Variants in CTNNA3 observed in about 807,000 individuals in gnomAD.
CTNNA3 encodes catenin alpha 3, also known as catenin alpha-3.
A neutral mutation model predicts 95.7 loss-of-function variants in CTNNA3; 76 were observed. The ratio of observed to expected loss-of-function variants is 0.79; its 90% CI spans 0.66 to 0.96. CTNNA3 has a LOEUF of 0.96. Ranked by LOEUF, CTNNA3 falls within the 40% of genes least tolerant of loss-of-function variation. CTNNA3 has a pLI of 0.00. For synonymous variants in CTNNA3, 431 were observed against 374.4 expected, an observed-to-expected ratio of 1.15 and a Z score of -1.74; for missense variants, 1,191 against 1,089.8, an observed-to-expected ratio of 1.09 and a Z score of -1.31.
At chr10:66,851,926 G>A (rs143390243) in intron 7 of CTNNA3, among the ~76,000 whole-genome samples, 1 of 152,186 alleles carries the variant, frequency 6.6e-6, no homozygotes, top group East Asian at 1.9e-4. Context: ...CTCCATGCTT[G>A]ACCATCACCC....
chr10:66,215,858 A>C (rs1341139203), intron 13 of CTNNA3, among the ~76,000 whole-genome samples: 1 of 152,240 alleles, frequency 6.6e-6, no homozygotes, highest in Non-Finnish European at 1.5e-5. Flanking sequence ...AATTGGCATT[A>C]ACAATTACAT....
At chr10:66,358,126 T>A (rs562729302) in intron 12 of CTNNA3, among the ~76,000 whole-genome samples, 1 of 152,292 alleles carries the variant, frequency 6.6e-6, no homozygotes, top group Admixed American at 6.5e-5. Flanking sequence ...TAATTTGTAT[T>A]TTCTATTTCT....
At chr10:67,316,106 A>G (rs1301957292) in intron 5 of CTNNA3, among the ~76,000 whole-genome samples, 4 of 152,176 alleles carry the variant, frequency 2.6e-5, no homozygotes. Context: ...AGTGGAATCA[A>G]CAGCTCCTCC....
At chr10:66,052,694 A>G (rs78058929) in intron 15 of CTNNA3, among the ~76,000 whole-genome samples, 60 of 152,278 alleles carry the variant, frequency 3.9e-4, no homozygotes, top group African/African-American at 1.4e-3. Context: ...AAGGACAAAA[A>G]AAGTCTGTGG....
At chr10:67,090,191 G>A (rs1011862845) in intron 7 of CTNNA3, among the ~76,000 whole-genome samples, 1 of 151,988 alleles carries the variant, frequency 6.6e-6, no homozygotes, top group African/African-American at 2.4e-5. Flanking sequence ...CATCTTGAGT[G>A]TTTTCGAGAT....
At chr10:67,357,059 T>C (rs1012080604) in intron 5 of CTNNA3, among the ~76,000 whole-genome samples, 1 of 152,090 alleles carries the variant, frequency 6.6e-6, no homozygotes, top group Non-Finnish European at 1.5e-5. Flanking sequence ...TCTACCATCC[T>C]CACTATAATA....
intron 15 of CTNNA3, among the ~76,000 whole-genome samples, chr10:66,049,137 G>GAC (rs1366732959): frequency 1.3e-5 from 2 of 152,128 alleles, no homozygotes; most frequent in Non-Finnish European, 2.9e-5. Context: ...GATATGAACA[G>GAC]ACACTTCTCA....
chr10:67,367,030 C>A (rs950631068), intron 5 of CTNNA3, among the ~76,000 whole-genome samples: 1 of 152,028 alleles, frequency 6.6e-6, no homozygotes, highest in African/African-American at 2.4e-5. Context: ...AGACATCAGC[C>A]TTGGAAAAGA....
At chr10:66,483,558 A>G (rs995894975) in intron 11 of CTNNA3, among the ~76,000 whole-genome samples, 1 of 152,118 alleles carries the variant, frequency 6.6e-6, no homozygotes, top group African/African-American at 2.4e-5. Context: ...AGTCTGGCTG[A>G]TAAAAGAGTA....
At chr10:65,979,855 T>C (rs116230517) in intron 16 of CTNNA3, among the ~76,000 whole-genome samples, 2,447 of 152,172 alleles carry the variant, frequency 0.016, 74 homozygotes, top group African/African-American at 0.056. Flanking sequence ...TTTAGTCCTA[T>C]TTAAATCTTG....
At chr10:67,306,468 A>G (rs1423629566) in intron 5 of CTNNA3, among the ~76,000 whole-genome samples, 1 of 152,206 alleles carries the variant, frequency 6.6e-6, no homozygotes, top group African/African-American at 2.4e-5. Flanking sequence ...TCAGGTACAC[A>G]CTGCCTGACA....
intron 9 of CTNNA3, among the ~76,000 whole-genome samples, chr10:66,750,347 G>T (rs752560178): frequency 1.3e-5 from 2 of 152,146 alleles, no homozygotes; most frequent in African/African-American, 4.8e-5. Flanking sequence ...TTATGGTTTT[G>T]CAGTTTACAT....
intron 7 of CTNNA3, among the ~76,000 whole-genome samples, chr10:66,792,208 G>A (rs1840999352): frequency 6.6e-6 from 1 of 152,036 alleles, no homozygotes; most frequent in Non-Finnish European, 1.5e-5. Context: ...ATTTGGTCCT[G>A]TCTTGAGGTT....
intron 5 of CTNNA3, among the ~76,000 whole-genome samples, chr10:67,263,018 G>C (rs1353733414): frequency 6.6e-6 from 1 of 152,164 alleles, no homozygotes; most frequent in Non-Finnish European, 1.5e-5. Context: ...AGTTAGTAGG[G>C]AGAAGGGGAT....
At chr10:66,567,082 G>A (rs1165378873) in intron 10 of CTNNA3, among the ~76,000 whole-genome samples, 25 of 700 alleles carry the variant, frequency 0.036, no homozygotes, top group African/African-American at 0.11. Context: ...GAGGGAGGGA[G>A]GAGTGGGGAG....
rs1373245172 is a variant in CTNNA3, at chr10:65,916,016, TA to T, written c.*4313del. The T allele has an allele frequency of 3.9e-5, 6 of 152,054 alleles. No individual in the cohort carries two copies. Among genetic ancestry groups the T allele is most frequent in the African/African-American group, 2.4e-5 (1 of 41,420 alleles). 9.4% of individuals were successfully genotyped at this position (152,054 alleles called of 1,614,324 possible). The stretch of plus-strand genomic sequence containing the variant: ...CCTAATTAAAACCAAAATGCCAAAA[TA>T]AAAACTCTCAAACTGCTATTGTTAT... On this transcript the variant is annotated 3_prime_UTR_variant, in exon 18 of 18. Coordinates refer to ENST00000433211, the MANE Select transcript of CTNNA3 (RefSeq NM_013266.4).
chr10:66,035,775 G>A lies in CTNNA3; in HGVS notation c.2159+33533C>T, dbSNP rs575816929. Among the ~76,000 whole-genome samples, 13 of 152,186 alleles carry A rather than the reference G, an allele frequency of 8.5e-5. No homozygotes were observed. In the South Asian group the frequency reaches 2.5e-3, roughly 29 times the overall value. ...CCTAGCATAAGGCCTGGCTTATAGTGAGAAGTCTAGAAAGAATTTTGTGTA... is the reference window on the plus strand; with the variant it reads ...CCTAGCATAAGGCCTGGCTTATAGTAAGAAGTCTAGAAAGAATTTTGTGTA... On this transcript the variant is annotated intron_variant, in intron 15 of 17. Coordinates refer to ENST00000433211, the MANE Select transcript of CTNNA3 (RefSeq NM_013266.4).
chr10:67,680,354 A>G (rs190821089), intron 1 of CTNNA3, among the ~76,000 whole-genome samples: 1 of 152,368 alleles, frequency 6.6e-6, no homozygotes, highest in Non-Finnish European at 1.5e-5. Context: ...TCACTAACAG[A>G]TAAAACATTA....
chr10:66,889,873 C>A (rs1845197030), intron 7 of CTNNA3, among the ~76,000 whole-genome samples: 1 of 151,538 alleles, frequency 6.6e-6, no homozygotes, highest in Non-Finnish European at 1.5e-5. Flanking sequence ...TCACTGCAGC[C>A]CCTGCCTCCG....
Sources: allele counts gnomAD v4.1 joint callset (sites outside exome capture counted in the v4.1 genomes callset), GRCh38; gene constraint gnomAD v4.1.1; transcripts MANE v1.5; gene names NCBI Gene and HGNC (gene_info 2026-07-23, HGNC 2026-07-21).